The following C1orf87 variants were observed in gnomAD, a reference collection of about 807,000 sequenced individuals.
The protein encoded by C1orf87 is uncharacterized protein C1orf87.
C1orf87 carries 58 observed loss-of-function variants against 60.5 expected under a neutral mutation model. The ratio of observed to expected loss-of-function variants is 0.96; its 90% CI spans 0.78 to 1.19. The LOEUF is 1.19. Among genes scored for constraint, C1orf87 ranks in the 50% most tolerant of loss-of-function variants. The probability of loss-of-function intolerance (pLI) is 0.00; values close to 1 mark genes in which losing one functional copy is unlikely to be tolerated. For missense variants in C1orf87, 673 were observed against 638.6 expected (o/e 1.05, Z -0.58); for synonymous variants, 236 against 227.4 (o/e 1.04, Z -0.34).
Position 60,072,543 on chromosome 1 carries a change from G to T in C1orf87, c.101C>A (p.Pro34Gln). Reference sequence around the variant, plus strand: ...TTTTCAAATATGGACTTACATCTTTGGCTTCTCCACGAGGTATTGAAAGTG... The same window carrying T: ...TTTTCAAATATGGACTTACATCTTTTGCTTCTCCACGAGGTATTGAAAGTG... ...SKHFQYLVEK[P>Q]KIKENDSLKT... is the part of the protein sequence containing the mutation. The change falls in exon 2 of 12, where the codon CCA becomes CAA. Residue 34 changes from proline (P) to glutamine (Q), a missense_variant. Transcript: ENST00000371201. The T allele has an allele frequency of 6.2e-7, 1 of 1,604,190 alleles. No individual in the cohort carries two copies. Among genetic ancestry groups the T allele is most frequent in the Non-Finnish European group, 8.5e-7 (1 of 1,175,544 alleles).
Position 60,039,983 on chromosome 1 carries a change from G to T in C1orf87, c.681C>A (p.Val227=), listed in dbSNP as rs1364306639. 1 of 1,614,094 alleles carries T rather than the reference G, an allele frequency of 6.2e-7. No individual in the cohort carries two copies. Residue 227 remains valine (V), a synonymous_variant, in exon 5 of 12, where the codon GTC becomes GTA. Transcript: ENST00000371201. ...TTTTAACTGTTGGTAACTGTAGAGGGACTTCATGCTTCAAAAAGAGGCGGC... is the reference window on the plus strand; with the variant it reads ...TTTTAACTGTTGGTAACTGTAGAGGTACTTCATGCTTCAAAAAGAGGCGGC... ...QLSRLFLKHE[V]PLQLPTVKIL...
chr1:60,056,421 CA>C (rs956189414), intron 2 of C1orf87, among the ~76,000 whole-genome samples: 7 of 147,310 alleles, frequency 4.8e-5, no homozygotes, highest in East Asian at 4.0e-4. Flanking sequence ...GAGAAAAATG[CA>C]AAAAAAAAGA....
At chr1:60,053,995 AC>A (rs1188320725) in intron 3 of C1orf87, among the ~76,000 whole-genome samples, 2 of 152,338 alleles carry the variant, frequency 1.3e-5, no homozygotes, top group East Asian at 3.9e-4. Context: ...GTCTTTTATA[AC>A]CATAATATTA....
Position 60,072,559 on chromosome 1 carries a change from A to G in C1orf87, c.85T>C (p.Tyr29His), listed in dbSNP as rs745802397. 2 of 1,612,364 alleles carry G rather than the reference A, an allele frequency of 1.2e-6. No homozygotes were observed. Among genetic ancestry groups the G allele is most frequent in the Non-Finnish European group, 1.7e-6 (2 of 1,179,580 alleles). The change falls in exon 2 of 12, where the codon TAC becomes CAC. Residue 29 changes from tyrosine to histidine, a missense_variant. Transcript: ENST00000371201. ...VKIIGSKHFQ[Y>H]LVEKPKIKEN... ...TACATCTTTGGCTTCTCCACGAGGT[A>G]TTGAAAGTGTTTACTTCCAATGATT...
chr1:60,033,403 C>T, intron 7 of C1orf87, 73 bp downstream of exon 7: 1 of 1,414,816 alleles, frequency 7.1e-7, no homozygotes, highest in Non-Finnish European at 9.8e-7. Context: ...CAGCCCTGTG[C>T]CTTATTGCTA....
At chr1:60,034,800 C>T (rs1251372138) in intron 6 of C1orf87, among the ~76,000 whole-genome samples, 1 of 152,156 alleles carries the variant, frequency 6.6e-6, no homozygotes. Flanking sequence ...CTGACTTCCT[C>T]CCTGGTAGTC....
At chr1:60,064,344 A>ATATATACT (rs1645520437) in intron 2 of C1orf87, among the ~76,000 whole-genome samples, 1 of 138,686 alleles carries the variant, frequency 7.2e-6, no homozygotes, top group Non-Finnish European at 1.5e-5. Flanking sequence ...CTATATATGT[A>ATATATACT]ATATATGTAA....
chr1:60,059,422 A>T (rs752998985), intron 2 of C1orf87, among the ~76,000 whole-genome samples: 39 of 152,182 alleles, frequency 2.6e-4, no homozygotes, highest in Non-Finnish European at 3.5e-4. Context: ...ATTAGAGAGG[A>T]TTACTGTGTT....
intron 9 of C1orf87, among the ~76,000 whole-genome samples, chr1:60,001,930 A>G (rs962595370): frequency 1.3e-5 from 2 of 152,116 alleles, no homozygotes; most frequent in African/African-American, 4.8e-5. Flanking sequence ...CAGGAAAAAC[A>G]CAAACAAATA....
chr1:60,032,563 G>T (rs1342124454), intron 7 of C1orf87, among the ~76,000 whole-genome samples: 2 of 149,308 alleles, frequency 1.3e-5, no homozygotes, highest in Non-Finnish European at 3.0e-5. Context: ...TCAGCCTCCT[G>T]AGTGGCTGGG....
intron 8 of C1orf87, among the ~76,000 whole-genome samples, chr1:60,018,735 G>C (rs1298404088): frequency 6.6e-6 from 1 of 152,154 alleles, no homozygotes; most frequent in Non-Finnish European, 1.5e-5. Context: ...AAAGAAGGCA[G>C]ACTCTCATGT....
chr1:59,992,588 G>A (rs1644932025), intron 11 of C1orf87, among the ~76,000 whole-genome samples: 1 of 152,150 alleles, frequency 6.6e-6, no homozygotes, highest in South Asian at 2.1e-4. Flanking sequence ...CGAACTGTAA[G>A]AGTGATGGTG....
chr1:60,030,217 C>T (rs142138972), intron 7 of C1orf87, among the ~76,000 whole-genome samples: 62 of 152,202 alleles, frequency 4.1e-4, no homozygotes, highest in African/African-American at 1.0e-3. Context: ...TTATGTCAAA[C>T]GCAAGAATGG....
At chr1:60,007,630 GA>G (rs1645055884) in intron 9 of C1orf87, among the ~76,000 whole-genome samples, 1 of 151,982 alleles carries the variant, frequency 6.6e-6, no homozygotes, top group Non-Finnish European at 1.5e-5. Flanking sequence ...TTCCAAGTAA[GA>G]GTCTTCGAAC....
intron 9 of C1orf87, among the ~76,000 whole-genome samples, chr1:60,006,198 A>G (rs1557458180): frequency 6.6e-6 from 1 of 152,054 alleles, no homozygotes; most frequent in Non-Finnish European, 1.5e-5. Flanking sequence ...GGACTACCAT[A>G]TAGAGCCTGA....
Position 59,991,664 on chromosome 1 carries a change from A to G in C1orf87, c.1481-831T>C, listed in dbSNP as rs375551760. ...CTTGCTGTGCAATCACAGGTGAAGC[A>G]TCTAACTTCTCATAGCTCAGAGTTT... is the stretch of plus-strand genomic sequence containing the variant. On this transcript the variant is annotated intron_variant, in intron 11 of 11. Coordinates refer to ENST00000371201, the MANE Select transcript of C1orf87 (RefSeq NM_152377.3). 3.3e-5 allele frequency among the ~76,000 whole-genome samples: 5 copies of G among 152,332 alleles called. No individual in the cohort carries two copies. The East Asian group carries it at 7.7e-4, about 23-fold the overall frequency.
At chr1:60,034,091 C>G (rs1007100582) in intron 6 of C1orf87, among the ~76,000 whole-genome samples, 1 of 152,168 alleles carries the variant, frequency 6.6e-6, no homozygotes, top group Non-Finnish European at 1.5e-5. Context: ...ATCCCCATAC[C>G]AAGACAGCCT....
At chr1:59,998,855 A>G (rs771466637) in intron 10 of C1orf87, among the ~76,000 whole-genome samples, 44 of 152,180 alleles carry the variant, frequency 2.9e-4, no homozygotes, top group Non-Finnish European at 5.4e-4. Context: ...GGAAGTCTTG[A>G]TGGTGTTAGA....
Position 59,997,827 on chromosome 1 carries a change from A to C in C1orf87, c.1273-11T>G. On this transcript the variant is annotated splice_polypyrimidine_tract_variant and intron_variant, in intron 10 of 11. Transcript: ENST00000371201. The stretch of plus-strand genomic sequence containing the variant: ...CTCTTCTGGAGTTTTCTACCAAAAC[A>C]ACAAAAGCATTGGCAACACATTCAC... 1 of 1,611,878 alleles carries C rather than the reference A, an allele frequency of 6.2e-7. No homozygotes were observed. The highest frequency in any genetic ancestry group is 8.5e-7 in the Non-Finnish European group (1 of 1,179,220).
Sources: gnomAD v4.1 joint callset for allele counts (sites outside exome capture counted in the v4.1 genomes callset) on GRCh38, gnomAD v4.1.1 for gene constraint, MANE v1.5 for transcripts, NCBI Gene and HGNC (gene_info 2026-07-23, HGNC 2026-07-21) for gene names.